Variants in RBFOX1 observed in about 807,000 individuals in gnomAD.
RBFOX1 encodes the protein RNA binding protein fox-1 homolog 1.
A neutral mutation model predicts 57.7 loss-of-function variants in RBFOX1; 8 were observed. The observed-to-expected ratio is 0.14, with a 90% CI of 0.08 to 0.25. RBFOX1 has a LOEUF of 0.25. RBFOX1 is among the 10% of genes least tolerant of loss of function. The pLI is 1.00. For synonymous variants in RBFOX1, 326 were observed against 222.4 expected, an observed-to-expected ratio of 1.47 and a Z score of -4.15; for missense variants, 611 against 548.5, an observed-to-expected ratio of 1.11 and a Z score of -1.14.
chr16:7,098,994 G>A (rs2062176373), intron 4 of RBFOX1, among the ~76,000 whole-genome samples: 1 of 152,100 alleles, frequency 6.6e-6, no homozygotes, highest in African/African-American at 2.4e-5. Flanking sequence ...ATTGATGGCT[G>A]CCTCTTTTTG....
chr16:7,534,800 C>G (rs1273248400), intron 5 of RBFOX1, among the ~76,000 whole-genome samples: 1 of 151,976 alleles, frequency 6.6e-6, no homozygotes, highest in Non-Finnish European at 1.5e-5. Flanking sequence ...GCCCTTAATT[C>G]TAACACACAG....
chr16:5,573,974 G>GA (rs1045989740), intron 2 of RBFOX1, among the ~76,000 whole-genome samples: 2 of 152,056 alleles, frequency 1.3e-5, no homozygotes, highest in Non-Finnish European at 2.9e-5. Context: ...AGAAGAAAAA[G>GA]AAAAAATGAA....
chr16:7,082,022 GC>G (rs1363089836), intron 4 of RBFOX1, among the ~76,000 whole-genome samples: 1 of 152,194 alleles, frequency 6.6e-6, no homozygotes, highest in Non-Finnish European at 1.5e-5. Flanking sequence ...AGTGGAAGAA[GC>G]GATTGAATTC....
intron 10 of RBFOX1, among the ~76,000 whole-genome samples, chr16:7,607,813 TA>T (rs2056636690): frequency 6.6e-6 from 1 of 152,224 alleles, no homozygotes. Flanking sequence ...TTTCGATAAC[TA>T]AAAAGTTGTC....
At chr16:6,463,674 C>T (rs1160513081) in intron 2 of RBFOX1, among the ~76,000 whole-genome samples, 1 of 152,142 alleles carries the variant, frequency 6.6e-6, no homozygotes, top group Non-Finnish European at 1.5e-5. Flanking sequence ...TCTCGTTCAC[C>T]ATGTCATTTA....
At chr16:6,289,877 C>T (rs2077285952) in intron 1 of RBFOX1, among the ~76,000 whole-genome samples, 1 of 152,080 alleles carries the variant, frequency 6.6e-6, no homozygotes. Context: ...ATAATGATTT[C>T]ATGAAGCAGT....
chr16:7,445,026 C>CT (rs1257657948), intron 4 of RBFOX1, among the ~76,000 whole-genome samples: 1 of 149,466 alleles, frequency 6.7e-6, no homozygotes, highest in Non-Finnish European at 1.5e-5. Flanking sequence ...TTTTTTTCTT[C>CT]TTTTTTTCTT....
chr16:7,215,662 C>G (rs1057024920), intron 4 of RBFOX1, among the ~76,000 whole-genome samples: 1 of 151,894 alleles, frequency 6.6e-6, no homozygotes, highest in African/African-American at 2.4e-5. Context: ...TTTCTTCCCC[C>G]AGTTCCCCAA....
At chr16:7,616,580 G>A (rs2058483915) in intron 10 of RBFOX1, among the ~76,000 whole-genome samples, 3 of 152,146 alleles carry the variant, frequency 2.0e-5, no homozygotes, top group Non-Finnish European at 2.9e-5. Flanking sequence ...TTTTGTTTTT[G>A]GGATGGAGTC....
At chr16:7,455,408 C>T (rs995464950) in intron 4 of RBFOX1, among the ~76,000 whole-genome samples, 12 of 152,108 alleles carry the variant, frequency 7.9e-5, no homozygotes, top group African/African-American at 2.7e-4. Context: ...ACTCTCCATG[C>T]AAGAATATAA....
chr16:6,679,890 T>G (rs1432350820), intron 3 of RBFOX1, among the ~76,000 whole-genome samples: 4 of 59,496 alleles, frequency 6.7e-5, no homozygotes, highest in Admixed American at 3.8e-4. Context: ...TTTTTTTTTT[T>G]TTTTTTTTTT....
In RBFOX1 at chr16:7,015,149, C is replaced by T. The variant is rs149027746; in HGVS notation, c.-15-36908C>T. The stretch of plus-strand genomic sequence containing the variant: ...TCAGTTCATGTTCTCTTTTTCCTTT[C>T]TTCTTAGTCACTCTCAGTAGTCTGG... On this transcript the variant is annotated intron_variant, in intron 3 of 15. Coordinates refer to ENST00000550418, the MANE Select transcript of RBFOX1 (RefSeq NM_018723.4). Among the ~76,000 whole-genome samples the T allele has an allele frequency of 1.3e-3, 194 of 152,236 alleles. 7 individuals are homozygous for T. In the East Asian group the frequency reaches 0.034, roughly 27 times the overall value.
chr16:7,450,690 A>G (rs554542591), intron 4 of RBFOX1, among the ~76,000 whole-genome samples: 34 of 152,190 alleles, frequency 2.2e-4, no homozygotes, highest in Non-Finnish European at 1.9e-4. Context: ...GTTGGCATCT[A>G]TTAATCACCT....
chr16:6,708,858 C>T (rs2063240324), intron 3 of RBFOX1, among the ~76,000 whole-genome samples: 1 of 152,196 alleles, frequency 6.6e-6, no homozygotes, highest in Non-Finnish European at 1.5e-5. Flanking sequence ...GTAATTATTT[C>T]AGGCACCAGA....
chr16:6,045,704 C>G (rs2095488348), intron 1 of RBFOX1, among the ~76,000 whole-genome samples: 1 of 152,126 alleles, frequency 6.6e-6, no homozygotes, highest in African/African-American at 2.4e-5. Flanking sequence ...AAGAGCCATA[C>G]CGATGGTGAT....
intron 4 of RBFOX1, among the ~76,000 whole-genome samples, chr16:7,108,074 A>G (rs1349826101): frequency 1.3e-5 from 2 of 152,316 alleles, no homozygotes; most frequent in East Asian, 1.9e-4. Context: ...ATGCTGCTTC[A>G]TCGTTCTGAT....
chr16:6,643,216 G>T (rs182783650), intron 2 of RBFOX1, among the ~76,000 whole-genome samples: 95 of 152,216 alleles, frequency 6.2e-4, no homozygotes, highest in Middle Eastern at 3.4e-3. Context: ...CTGATGAATT[G>T]GATACTCTTG....
chr16:6,886,716 C>G (rs1432435458), intron 3 of RBFOX1, among the ~76,000 whole-genome samples: 1 of 151,382 alleles, frequency 6.6e-6, no homozygotes, highest in Middle Eastern at 3.4e-3. Context: ...GATCGCACCA[C>G]CGCACTCCAG....
At chr16:6,688,826 T>C (rs1443820982) in intron 3 of RBFOX1, among the ~76,000 whole-genome samples, 1 of 152,034 alleles carries the variant, frequency 6.6e-6, no homozygotes, top group African/African-American at 2.4e-5. Context: ...TGTGATGTTC[T>C]CCTCCCTGTG....
Sources: allele counts gnomAD v4.1 joint callset (sites outside exome capture counted in the v4.1 genomes callset), GRCh38; gene constraint gnomAD v4.1.1; transcripts MANE v1.5; gene names NCBI Gene and HGNC (gene_info 2026-07-23, HGNC 2026-07-21).